ARL10: variants seen among roughly 807,000 people sequenced by gnomAD.
ARL10 encodes the protein ADP-ribosylation factor-like protein 10.
Under a neutral mutation model 26.1 loss-of-function variants are expected in ARL10, and 23 were observed. That is an observed-to-expected ratio of 0.88 (90% CI 0.63 to 1.25). The LOEUF is 1.25. Among genes scored for constraint, ARL10 ranks in the 50% most tolerant of loss-of-function variants. The pLI is 0.00. For missense variants in ARL10, 300 were observed against 323.6 expected (o/e 0.93, Z 0.56); for synonymous variants, 138 against 149.1 (o/e 0.93, Z 0.54).
chr5:176,411,975 G>T, the ARL10 span, among the ~76,000 whole-genome samples: 21 of 151,992 alleles, frequency 1.4e-4, no homozygotes, highest in African/African-American at 4.3e-4. Context: ...AGGAGATCGA[G>T]ACCATCCTGG....
chr5:176,389,133 CAGCGGGTTTAGGG>C (rs1756149489), downstream of ARL10, among the ~76,000 whole-genome samples: 1 of 151,704 alleles, frequency 6.6e-6, no homozygotes, highest in Non-Finnish European at 1.5e-5. Context: ...GGAGCGGGAG[CAGCGGGTTTAGGG>C]GGCGGGATTT....
At chr5:176,388,428 C>T (rs775642185) in exon 2 of ARL10, 2 of 1,614,016 alleles carry the variant, frequency 1.2e-6, no homozygotes, top group Admixed American at 3.3e-5. Context: ...CCCCAGCCCC[C>T]TCACCATTCG....
the ARL10 span, among the ~76,000 whole-genome samples, chr5:176,412,758 T>TC: frequency 9.2e-5 from 14 of 152,152 alleles, no homozygotes. Context: ...TCACTCCCAT[T>TC]CCTTCAGATA....
At chr5:176,371,644 T>C in intron 3 of ARL10, 78 bp from the exon 4 acceptor site, 1 of 1,182,436 alleles carries the variant, frequency 8.5e-7, no homozygotes, top group Non-Finnish European at 1.2e-6. Flanking sequence ...CTAAGAACAG[T>C]GTGTTTCATG....
chr5:176,392,149 G>A (rs1265731287), downstream of ARL10, among the ~76,000 whole-genome samples: 1 of 152,212 alleles, frequency 6.6e-6, no homozygotes, highest in African/African-American at 2.4e-5. The surrounding 1 kb of genome is among the most constrained non-coding windows in gnomAD (Gnocchi z 5.2). Context: ...CCAGGCTTAG[G>A]AGGAAGCTAC....
intron 2 of ARL10, 151 bp downstream of exon 2, chr5:176,366,732 C>A (rs1166454720): frequency 2.0e-6 from 2 of 996,262 alleles, no homozygotes; most frequent in African/African-American, 1.6e-5. Flanking sequence ...AGGATTCAGC[C>A]CACGCTCTGT....
exon 2 of ARL10, chr5:176,388,419 C>T: frequency 6.2e-7 from 1 of 1,614,012 alleles, no homozygotes; most frequent in Non-Finnish European, 8.5e-7. Context: ...CACCCGGAAC[C>T]CCAGCCCCCT....
the ARL10 span, among the ~76,000 whole-genome samples, chr5:176,411,534 T>C: frequency 6.6e-6 from 1 of 152,158 alleles, no homozygotes; most frequent in African/African-American, 2.4e-5. Context: ...CACCCCTTCC[T>C]ATTCCTCCTG....
the ARL10 span, among the ~76,000 whole-genome samples, chr5:176,410,006 A>G: frequency 6.6e-6 from 1 of 152,124 alleles, no homozygotes; most frequent in Admixed American, 6.6e-5. Flanking sequence ...TCTCCCTCCC[A>G]AAACCAGACA....
At chr5:176,388,677 C>A (rs1756102252), downstream of ARL10, 3 of 1,341,492 alleles carry the variant, frequency 2.2e-6, no homozygotes, top group Non-Finnish European at 3.1e-6. Context: ...CACTACCGTG[C>A]TGAGCACTAC....
At chr5:176,389,808 G>A (rs1188515905), downstream of ARL10, 1 of 239,668 alleles carries the variant, frequency 4.2e-6, no homozygotes, top group South Asian at 8.3e-5. Flanking sequence ...TGGAGGAAAC[G>A]GACTTTGGAG....
chr5:176,386,761 AATGAGGACAT>A (rs1431674559), downstream of ARL10: 2 of 1,277,740 alleles, frequency 1.6e-6, no homozygotes, highest in African/African-American at 2.9e-5. Context: ...CCATCTGCAA[AATGAGGACAT>A]CTTAGGGCCC....
At chr5:176,409,201 T>G in the ARL10 span, among the ~76,000 whole-genome samples, 1 of 149,108 alleles carries the variant, frequency 6.7e-6, no homozygotes, top group African/African-American at 2.5e-5. Flanking sequence ...GTCTCAATCT[T>G]CCAACCTCAT....
chr5:176,388,642 T>G, downstream of ARL10: 2 of 1,361,056 alleles, frequency 1.5e-6, no homozygotes, highest in Non-Finnish European at 2.0e-6. Context: ...TTGCGGGCAT[T>G]TGGGGAAATG....
Position 176,397,971 on chromosome 5 carries a change from C to T in ARL10, c.134-3770C>T, listed in dbSNP as rs372564708. 39 of 1,613,974 alleles carry T rather than the reference C, an allele frequency of 2.4e-5. No homozygotes were observed. The highest frequency in any genetic ancestry group is 4.5e-5 in the East Asian group (2 of 44,880). On this transcript the variant is annotated intron_variant, in intron 1 of 1. Coordinates refer to the ARL10 transcript ENST00000514533. ...TTTCCTCTGCTCCTCTCGCCACTTG[C>T]GGATGCTCTCAGGCTCCTGGGTCAG... is the stretch of plus-strand genomic sequence containing the variant.
chr5:176,399,622 G>A (rs1390427445), intron 1 of ARL10, among the ~76,000 whole-genome samples: 3 of 152,080 alleles, frequency 2.0e-5, no homozygotes, highest in Non-Finnish European at 2.9e-5. Flanking sequence ...GGCCAGGCAC[G>A]GTGGCTCACG....
downstream of ARL10, chr5:176,383,896 C>G: frequency 7.3e-7 from 1 of 1,372,258 alleles, no homozygotes; most frequent in Non-Finnish European, 9.6e-7. Context: ...TTCACCGGGG[C>G]AGCCCCAGGG....
At chr5:176,404,645 G>A (rs762793474), downstream of ARL10, among the ~76,000 whole-genome samples, 9 of 152,146 alleles carry the variant, frequency 5.9e-5, no homozygotes, top group African/African-American at 9.7e-5. Flanking sequence ...TGGCCAAACT[G>A]GGCCCACATC....
At chr5:176,382,730 C>T (rs7447464), downstream of ARL10, among the ~76,000 whole-genome samples, 71,571 of 151,938 alleles carry the variant, frequency 0.47, 18,316 homozygotes, top group Non-Finnish European at 0.56. Context: ...CACTGCACTC[C>T]AGCCTGGGAT....
Sources: allele counts gnomAD v4.1 joint callset (sites outside exome capture counted in the v4.1 genomes callset), GRCh38; gene constraint gnomAD v4.1.1; non-coding constraint Gnocchi (gnomAD v3.1); transcripts MANE v1.5; gene names NCBI Gene and HGNC (gene_info 2026-07-23, HGNC 2026-07-21).